Variants in HORMAD2 observed in about 807,000 individuals in gnomAD.
HORMAD2 encodes HORMA domain containing 2.
Under a neutral mutation model 38.8 loss-of-function variants are expected in HORMAD2, and 45 were observed. The ratio of observed to expected loss-of-function variants is 1.16; its 90% confidence interval spans 0.91 to 1.49. HORMAD2 has a LOEUF of 1.49. Among genes scored for constraint, HORMAD2 ranks in the 40% most tolerant of loss-of-function variants. HORMAD2 has a pLI of 0.00. For missense variants in HORMAD2, 338 were observed against 367.0 expected (o/e 0.92, Z 0.65); for synonymous variants, 126 against 122.8 (o/e 1.03, Z -0.17).
intron 10 of HORMAD2, among the ~76,000 whole-genome samples, chr22:30,156,351 A>G (rs1305795551): frequency 6.6e-6 from 1 of 152,236 alleles, no homozygotes; most frequent in Admixed American, 6.5e-5. Flanking sequence ...TATTATTAGT[A>G]TTCATCTGCC....
chr22:30,149,713 G>C (rs1924633697), intron 10 of HORMAD2, among the ~76,000 whole-genome samples: 1 of 152,144 alleles, frequency 6.6e-6, no homozygotes. Flanking sequence ...TTTTAGTGGA[G>C]CACATCCTTT....
the HORMAD2 span, among the ~76,000 whole-genome samples, chr22:30,196,247 G>A: frequency 1.3e-5 from 2 of 152,206 alleles, no homozygotes; most frequent in East Asian, 1.9e-4. Flanking sequence ...GGTTTCAGCC[G>A]GAGACTTGAG....
chr22:30,121,910 A>C, intron 9 of HORMAD2, 54 bp from the exon 10 acceptor site: 1 of 1,572,518 alleles, frequency 6.4e-7, no homozygotes, highest in Non-Finnish European at 8.6e-7. Flanking sequence ...GATTAATCGG[A>C]TTTGTTGTAT....
At chr22:30,193,277 C>T in the HORMAD2 span, among the ~76,000 whole-genome samples, 586 of 152,254 alleles carry the variant, frequency 3.8e-3, 7 homozygotes, top group African/African-American at 0.014. Flanking sequence ...TATCATGTCA[C>T]TATGTTCTTT....
intron 8 of HORMAD2, among the ~76,000 whole-genome samples, chr22:30,121,287 G>T (rs1308079737): frequency 6.6e-6 from 1 of 152,170 alleles, no homozygotes; most frequent in African/African-American, 2.4e-5. Context: ...GTGTCTAAAT[G>T]ACTTGACCAA....
At position 30,138,388 on chromosome 22, in the gene HORMAD2, G is replaced by A. The variant is rs890078558; in HGVS notation, c.819+16174G>A. Among the ~76,000 whole-genome samples the A allele has an allele frequency of 3.3e-5, 5 of 151,886 alleles. No homozygotes were observed. The East Asian group carries it at 5.8e-4, about 18-fold the overall frequency. On this transcript the variant is annotated intron_variant, in intron 10 of 10. Coordinates refer to ENST00000336726, the MANE Select transcript of HORMAD2 (RefSeq NM_152510.4). Reference sequence around the variant, plus strand: ...TCGCCATGTTTCCTGGGCTGGTCTCGAACTCCTGGAGTCAAGCATTCCTCT... The same window carrying A: ...TCGCCATGTTTCCTGGGCTGGTCTCAAACTCCTGGAGTCAAGCATTCCTCT...
At chr22:30,123,603 G>A (rs961528931) in intron 10 of HORMAD2, among the ~76,000 whole-genome samples, 3 of 151,600 alleles carry the variant, frequency 2.0e-5, no homozygotes, top group Non-Finnish European at 4.4e-5. Flanking sequence ...CCAAAGTGCT[G>A]GGATTACAGG....
downstream of HORMAD2, among the ~76,000 whole-genome samples, chr22:30,179,637 G>A (rs371297295): frequency 7.9e-5 from 12 of 152,248 alleles, no homozygotes; most frequent in South Asian, 6.2e-4. Context: ...GAGTTTTGCC[G>A]TCTGGGAGGA....
chr22:30,139,334 G>GTC (rs1221882405), intron 10 of HORMAD2, among the ~76,000 whole-genome samples: 5 of 128,426 alleles, frequency 3.9e-5, no homozygotes, highest in African/African-American at 6.1e-5. Flanking sequence ...TAAATAACCT[G>GTC]TCTCTCTCTC....
intron 10 of HORMAD2, among the ~76,000 whole-genome samples, chr22:30,159,944 G>C (rs1470056033): frequency 6.6e-6 from 1 of 152,078 alleles, no homozygotes; most frequent in Non-Finnish European, 1.5e-5. Context: ...ATGAGTCAGG[G>C]AAAATGTGTG....
At chr22:30,083,594 A>AGAATAATTAGAGGCT (rs551119261) in intron 1 of HORMAD2, among the ~76,000 whole-genome samples, 194 of 152,308 alleles carry the variant, frequency 1.3e-3, no homozygotes, top group African/African-American at 4.6e-3. Flanking sequence ...CAGTAGCAAC[A>AGAATAATTAGAGGCT]GAATAATTAG....
At chr22:30,156,077 G>A (rs185830196) in intron 10 of HORMAD2, among the ~76,000 whole-genome samples, 18 of 152,184 alleles carry the variant, frequency 1.2e-4, no homozygotes, top group Non-Finnish European at 2.1e-4. Context: ...TGATGCCCTC[G>A]TTACTCCATT....
chr22:30,109,667 T>G (rs1036336734), intron 5 of HORMAD2, among the ~76,000 whole-genome samples: 3 of 152,198 alleles, frequency 2.0e-5, no homozygotes, highest in African/African-American at 7.2e-5. Flanking sequence ...ATCATTGGCT[T>G]GATTATATTT....
the HORMAD2 span, among the ~76,000 whole-genome samples, chr22:30,199,791 C>T: frequency 6.6e-6 from 1 of 151,086 alleles, no homozygotes; most frequent in African/African-American, 2.4e-5. Flanking sequence ...TTGTTTTCCA[C>T]ACACAGCTTC....
At chr22:30,096,310 TAA>T (rs1204859481) in intron 2 of HORMAD2, among the ~76,000 whole-genome samples, 1 of 152,174 alleles carries the variant, frequency 6.6e-6, no homozygotes, top group Non-Finnish European at 1.5e-5. Context: ...AAGTAAAATA[TAA>T]GTCATAGGAT....
rs1286243772 is a variant in HORMAD2 at position 30,136,831 on chromosome 22, T to G, written c.819+14617T>G. The G allele has an allele frequency of 2.2e-5, 6 of 273,350 alleles. No individual in the cohort carries two copies. In the East Asian group the frequency reaches 3.8e-4, roughly 17 times the overall value. The allele number at this position is 273,350 out of a possible 1,614,324, so 16.9% of individuals were successfully genotyped here. On this transcript the variant is annotated intron_variant, in intron 10 of 10. Transcript: ENST00000336726. ...GGCTTCTTTATTTTTACTTTCCTAA[T>G]GAAGACACCATGGAGAGGATAAACA...
chr22:30,185,113 C>T, the HORMAD2 span, among the ~76,000 whole-genome samples: 1 of 152,184 alleles, frequency 6.6e-6, no homozygotes, highest in African/African-American at 2.4e-5. Flanking sequence ...TACTCTAAAT[C>T]TGGCACAGTA....
chr22:30,094,497 A>G (rs774718109), intron 2 of HORMAD2, among the ~76,000 whole-genome samples: 5 of 152,218 alleles, frequency 3.3e-5, no homozygotes, highest in Non-Finnish European at 5.9e-5. Flanking sequence ...GAGACTAAAT[A>G]TTATGTAGTA....
chr22:30,151,856 C>T (rs1319454481), intron 10 of HORMAD2, among the ~76,000 whole-genome samples: 1 of 152,094 alleles, frequency 6.6e-6, no homozygotes, highest in Non-Finnish European at 1.5e-5. Context: ...GTTTTGGATG[C>T]TTTGTGTCAT....
Sources: allele counts gnomAD v4.1 joint callset (sites outside exome capture counted in the v4.1 genomes callset), GRCh38; gene constraint gnomAD v4.1.1; transcripts MANE v1.5; gene names NCBI Gene and HGNC (gene_info 2026-07-23, HGNC 2026-07-21).